The following PTPRE variants were observed in gnomAD, a reference collection of about 807,000 sequenced individuals.
PTPRE encodes protein tyrosine phosphatase receptor type E.
PTPRE carries 51 observed loss-of-function variants against 102.0 expected under a neutral mutation model. The ratio of observed to expected loss-of-function variants is 0.50; its 90% CI spans 0.40 to 0.63. The LOEUF (loss-of-function observed/expected upper bound fraction) is 0.63. Among genes scored for constraint, PTPRE ranks in the 30% least tolerant of loss-of-function variants. The pLI is 0.00. For synonymous variants in PTPRE, 345 were observed against 348.2 expected (o/e 0.99, Z 0.10); for missense variants, 752 against 915.1 (o/e 0.82, Z 2.30).
intron 1 of PTPRE, among the ~76,000 whole-genome samples, chr10:127,959,370 C>T (rs1849636705): frequency 6.6e-6 from 1 of 152,228 alleles, no homozygotes; most frequent in South Asian, 2.1e-4. Context: ...TAGCCTCCTA[C>T]TGAACCCATT....
intron 2 of PTPRE, among the ~76,000 whole-genome samples, chr10:127,996,344 A>T (rs895379519): frequency 2.0e-5 from 3 of 152,238 alleles, no homozygotes; most frequent in Non-Finnish European, 2.9e-5. Flanking sequence ...CCATAGAAAT[A>T]AACACCTAAG....
At chr10:128,012,997 C>T (rs1032443855) in intron 2 of PTPRE, among the ~76,000 whole-genome samples, 7 of 152,112 alleles carry the variant, frequency 4.6e-5, no homozygotes, top group East Asian at 3.9e-4. Flanking sequence ...AATTCATGAG[C>T]GCCGTAGTGC....
At chr10:127,999,584 G>A in intron 2 of PTPRE, 7 of 985,482 alleles carry the variant, frequency 7.1e-6, no homozygotes, top group Non-Finnish European at 8.4e-6. Context: ...CACGCAGGTT[G>A]CACTGTTCTC....
chr10:127,914,530 G>GATGGTAACA (rs1846079464), intron 1 of PTPRE, among the ~76,000 whole-genome samples: 1 of 152,206 alleles, frequency 6.6e-6, no homozygotes, highest in Non-Finnish European at 1.5e-5. Flanking sequence ...ATCTTTGGAG[G>GATGGTAACA]TGGGAAGGCC....
chr10:128,007,573 T>C (rs1180575077), intron 2 of PTPRE, among the ~76,000 whole-genome samples: 1 of 152,244 alleles, frequency 6.6e-6, no homozygotes, highest in South Asian at 2.1e-4. Context: ...AATCTTACAA[T>C]GTTTCAGAAT....
Position 128,066,080 on chromosome 10 carries a change from G to C in PTPRE, c.729G>C (p.Lys243Asn). The C allele has an allele frequency of 6.2e-7, 1 of 1,614,228 alleles. No individual in the cohort carries two copies. ...TATTAAATTGTTCCGTGCAGGAAAA[G>C]TGCCATCAGTACTGGCCCGACCAAG... is the stretch of plus-strand genomic sequence containing the variant. ...LTNLKERKEEKCHQYWPDQGC... is the reference protein window; with the variant it reads ...LTNLKERKEENCHQYWPDQGC... The change falls in exon 11 of 21, where the codon AAG becomes AAC. Residue 243 changes from lysine to asparagine, a missense_variant. By Grantham distance (94) the Lys-to-Asn change is moderately conservative (BLOSUM62 0). Around this residue, in one of 2 missense-constraint regions of PTPRE, gnomAD observed 636 missense variants for 824.4 expected, o/e 0.77. Transcript: ENST00000254667.
chr10:127,956,734 T>A (rs1849430799), intron 1 of PTPRE, among the ~76,000 whole-genome samples: 1 of 152,190 alleles, frequency 6.6e-6, no homozygotes, highest in Non-Finnish European at 1.5e-5. Flanking sequence ...CAGCATTTGG[T>A]GTTGTCAGTG....
intron 2 of PTPRE, among the ~76,000 whole-genome samples, chr10:128,015,024 T>G (rs1269254186): frequency 6.6e-6 from 1 of 152,156 alleles, no homozygotes; most frequent in African/African-American, 2.4e-5. Context: ...TCATGTGGAC[T>G]CCTCTGATTC....
intron 1 of PTPRE, among the ~76,000 whole-genome samples, chr10:127,964,190 G>A (rs1290111098): frequency 6.6e-6 from 1 of 152,072 alleles, no homozygotes; most frequent in Non-Finnish European, 1.5e-5. Context: ...TTATTTTTGA[G>A]ACAGAGTCTT....
intron 2 of PTPRE, among the ~76,000 whole-genome samples, chr10:128,006,466 CTAAA>C (rs1219845936): frequency 1.3e-5 from 2 of 152,208 alleles, no homozygotes; most frequent in Non-Finnish European, 2.9e-5. Context: ...CCTGTCTGAA[CTAAA>C]TAGAGTCCAG....
chr10:127,907,175 C>A lies in PTPRE; in HGVS notation c.-165C>A, dbSNP rs919067645. 48 of 811,914 alleles carry A rather than the reference C, an allele frequency of 5.9e-5. No homozygotes were observed. Among genetic ancestry groups the A allele is most frequent in the Non-Finnish European group, 6.8e-5 (46 of 672,480 alleles). The allele number at this position is 811,914 out of a possible 1,614,324, so 50.3% of individuals were successfully genotyped here. Reference sequence around the variant, plus strand: ...GCGAGCGGCTTCAGGAACCCACGGCCTCTGCGCGTCCCCGCGACCCTTCTT... The same window carrying A: ...GCGAGCGGCTTCAGGAACCCACGGCATCTGCGCGTCCCCGCGACCCTTCTT... On this transcript the variant is annotated 5_prime_UTR_variant, in exon 1 of 21. Transcript: ENST00000254667. The surrounding 1 kb of genome is among the most constrained non-coding windows in gnomAD (Gnocchi z 4.8).
intron 1 of PTPRE, among the ~76,000 whole-genome samples, chr10:127,975,683 A>C (rs1455182395): frequency 6.6e-6 from 1 of 152,222 alleles, no homozygotes; most frequent in Non-Finnish European, 1.5e-5. Flanking sequence ...TCTGGGGCTC[A>C]CTGAACAGGA....
Position 128,008,148 on chromosome 10 carries a change from C to G in PTPRE, c.-8+25852C>G, listed in dbSNP as rs1844655668. 6.6e-6 allele frequency among the ~76,000 whole-genome samples: 1 copy of G among 152,058 alleles called. No individual in the cohort carries two copies. The highest frequency in any genetic ancestry group is 2.1e-4 in the South Asian group (1 of 4,830). The stretch of plus-strand genomic sequence containing the variant: ...CAGAGTCCCCTGCCCAGGGTACATG[C>G]CCCTGGGAAAACTGCCCAAGGGAAA... On this transcript the variant is annotated intron_variant, in intron 2 of 20. Coordinates refer to ENST00000254667, the MANE Select transcript of PTPRE (RefSeq NM_006504.6). This position sits in a 1 kb window ranked among gnomAD's most constrained non-coding sequence, Gnocchi z 4.0.
rs1660454071 is a variant in PTPRE at position 128,028,835 on chromosome 10, C to T, written c.-7-12040C>T. Among the ~76,000 whole-genome samples, 2 of 152,196 alleles carry T rather than the reference C, an allele frequency of 1.3e-5. No individual in the cohort carries two copies. Among genetic ancestry groups the T allele is most frequent in the Non-Finnish European group, 2.9e-5 (2 of 68,034 alleles). On this transcript the variant is annotated intron_variant, in intron 2 of 20. Coordinates refer to ENST00000254667, the MANE Select transcript of PTPRE (RefSeq NM_006504.6). This position sits in a 1 kb window ranked among gnomAD's most constrained non-coding sequence, Gnocchi z 4.5. ...CATGGCCACTCACTTCCACCCTGCC[C>T]CGGCCCAGCCCTGGCCACCCCAGAC...
intron 1 of PTPRE, among the ~76,000 whole-genome samples, chr10:127,970,930 A>G (rs183329681): frequency 3.9e-5 from 6 of 152,224 alleles, no homozygotes; most frequent in East Asian, 3.9e-4. Context: ...GGTTAAATTT[A>G]TCTGGGACTC....
intron 1 of PTPRE, among the ~76,000 whole-genome samples, chr10:127,947,708 C>T (rs1349219979): frequency 5.9e-5 from 9 of 152,168 alleles, no homozygotes; most frequent in Non-Finnish European, 1.0e-4. Context: ...GCCAGGGCAT[C>T]ACCTGTCATG....
At chr10:127,950,880 A>G (rs1848968106) in intron 1 of PTPRE, among the ~76,000 whole-genome samples, 2 of 151,286 alleles carry the variant, frequency 1.3e-5, no homozygotes, top group South Asian at 2.1e-4. Flanking sequence ...GCAGATCACT[A>G]GGTCAGGAGA....
intron 1 of PTPRE, among the ~76,000 whole-genome samples, chr10:127,927,090 A>G (rs1847079763): frequency 6.6e-6 from 1 of 152,068 alleles, no homozygotes; most frequent in Non-Finnish European, 1.5e-5. Flanking sequence ...GATTACAAGC[A>G]TGAGCCACTG....
At chr10:128,021,677 G>A (rs578226810) in intron 2 of PTPRE, among the ~76,000 whole-genome samples, 10 of 152,240 alleles carry the variant, frequency 6.6e-5, no homozygotes, top group Non-Finnish European at 1.5e-4. Flanking sequence ...CTTCTCACCA[G>A]TCAGTCAGAG....
Sources: allele counts gnomAD v4.1 joint callset (sites outside exome capture counted in the v4.1 genomes callset), GRCh38; gene constraint gnomAD v4.1.1; regional missense constraint gnomAD v4.1.1; non-coding constraint Gnocchi (gnomAD v3.1); transcripts MANE v1.5; gene names NCBI Gene and HGNC (gene_info 2026-07-23, HGNC 2026-07-21).